The following DGUOK variants were observed in gnomAD, a reference collection of about 807,000 sequenced individuals.
DGUOK encodes deoxyguanosine kinase.
Under a neutral mutation model 36.6 loss-of-function variants are expected in DGUOK, and 30 were observed. The observed-to-expected ratio is 0.82, with a 90% CI of 0.61 to 1.11. The LOEUF is 1.11. DGUOK is among the 50% of genes most tolerant of loss of function. The pLI is 0.00. For synonymous variants in DGUOK, 145 were observed against 126.3 expected, an observed-to-expected ratio of 1.15 and a Z score of -0.99; for missense variants, 361 against 336.4, an observed-to-expected ratio of 1.07 and a Z score of -0.57.
At chr2:73,947,730 A>C (rs1299063074) in intron 3 of DGUOK, 1 of 152,364 alleles carries the variant, frequency 6.6e-6, no homozygotes, top group Non-Finnish European at 1.5e-5. Flanking sequence ...ACACTGCTGG[A>C]GTTTTTCTTA....
At chr2:73,934,045 G>A (rs932650661) in intron 1 of DGUOK, among the ~76,000 whole-genome samples, 29 of 152,266 alleles carry the variant, frequency 1.9e-4, no homozygotes, top group African/African-American at 6.7e-4. Flanking sequence ...AGATGAAAAT[G>A]CCTAGAGGTG....
intron 1 of DGUOK, among the ~76,000 whole-genome samples, chr2:73,934,210 A>G (rs1252709752): frequency 2.6e-5 from 4 of 152,162 alleles, no homozygotes; most frequent in Admixed American, 1.3e-4. Context: ...TTGTGGGGAG[A>G]AAAAAACATG....
chr2:73,955,624 C>T (rs1018685598), intron 4 of DGUOK, among the ~76,000 whole-genome samples: 1 of 152,138 alleles, frequency 6.6e-6, no homozygotes, highest in African/African-American at 2.4e-5. Flanking sequence ...CCTGTAATCC[C>T]AGCATTTTGA....
chr2:73,928,310 T>C (rs1426375329), intron 1 of DGUOK, among the ~76,000 whole-genome samples: 1 of 152,152 alleles, frequency 6.6e-6, no homozygotes, highest in African/African-American at 2.4e-5. Flanking sequence ...GTTTTGTTAG[T>C]AGAGACAGGG....
chr2:73,927,921 T>A (rs1218800783), intron 1 of DGUOK, among the ~76,000 whole-genome samples: 1 of 152,186 alleles, frequency 6.6e-6, no homozygotes, highest in Admixed American at 6.5e-5. Flanking sequence ...ATTCAACAAA[T>A]CACCTTTTGA....
chr2:73,955,487 A>G (rs1033801179), intron 4 of DGUOK, among the ~76,000 whole-genome samples: 2 of 152,190 alleles, frequency 1.3e-5, no homozygotes, highest in African/African-American at 4.8e-5. Flanking sequence ...AAAAGGTAAG[A>G]TAAGAGGGAA....
intron 4 of DGUOK, among the ~76,000 whole-genome samples, chr2:73,956,657 T>G (rs1207410534): frequency 6.6e-6 from 1 of 152,162 alleles, no homozygotes; most frequent in Non-Finnish European, 1.5e-5. Flanking sequence ...TTTCTGACCT[T>G]AAGGCCTGTA....
intron 1 of DGUOK, 92 bp from the exon 2 acceptor site, chr2:73,938,818 T>G: frequency 5.3e-5 from 45 of 847,652 alleles, no homozygotes; most frequent in Non-Finnish European, 8.5e-5. Context: ...CTTGTTCCCT[T>G]GAGTTTGGGC....
chr2:73,957,710 G>A (rs1683226709), intron 5 of DGUOK, among the ~76,000 whole-genome samples: 1 of 152,124 alleles, frequency 6.6e-6, no homozygotes, highest in Non-Finnish European at 1.5e-5. Flanking sequence ...ACATTCCAAG[G>A]GCCTTTTTAT....
In DGUOK at chr2:73,946,820, G is replaced by A. The variant is rs1341055252; in HGVS notation, c.357G>A (p.Leu119=). 1.9e-6 allele frequency: 3 copies of A among 1,614,026 alleles called. No homozygotes were observed. The highest frequency in any genetic ancestry group is 2.5e-6 in the Non-Finnish European group (3 of 1,180,036). ...AGACATTTTCCTTTTTGAGCCGCCT[G>A]AAAGTACAGCTGGAGCCCTTCCCTG... ...TFQTFSFLSR[L]KVQLEPFPEK... The change falls in exon 3 of 7, where the codon CTG becomes CTA. Residue 119 remains leucine (L), a synonymous_variant. Coordinates refer to ENST00000264093, the MANE Select transcript of DGUOK (RefSeq NM_080916.3).
At chr2:73,943,250 A>G (rs1209573865) in intron 2 of DGUOK, among the ~76,000 whole-genome samples, 1 of 151,984 alleles carries the variant, frequency 6.6e-6, no homozygotes, top group Non-Finnish European at 1.5e-5. Context: ...TCCTGGACTC[A>G]GGTATCTTCC....
intron 1 of DGUOK, among the ~76,000 whole-genome samples, chr2:73,929,868 A>G (rs1039950461): frequency 6.6e-6 from 1 of 152,114 alleles, no homozygotes; most frequent in African/African-American, 2.4e-5. Flanking sequence ...TAGAAAGGGA[A>G]GTCATGGGGT....
At chr2:73,946,967 T>C in intron 3 of DGUOK, 61 bp downstream of exon 3, 1 of 1,443,968 alleles carries the variant, frequency 6.9e-7, no homozygotes, top group Non-Finnish European at 9.6e-7. Flanking sequence ...TGTTTGATCT[T>C]GCACAGATCC....
At chr2:73,957,338 T>G (rs1316587886) in intron 5 of DGUOK, 98 bp downstream of exon 5, 6 of 873,012 alleles carry the variant, frequency 6.9e-6, no homozygotes, top group Non-Finnish European at 9.4e-6. Context: ...GTAGGAAGGT[T>G]CAGAATATAC....
chr2:73,955,255 C>T (rs1683001334), intron 4 of DGUOK, among the ~76,000 whole-genome samples: 1 of 152,138 alleles, frequency 6.6e-6, no homozygotes. Context: ...CATAAAGTCA[C>T]ATTTTAAAAA....
chr2:73,954,900 G>T (rs1682974679), intron 4 of DGUOK, among the ~76,000 whole-genome samples: 1 of 152,168 alleles, frequency 6.6e-6, no homozygotes, highest in African/African-American at 2.4e-5. Flanking sequence ...TCCTCATGAG[G>T]ACTGAGATGA....
At chr2:73,933,579 TC>T (rs1681222383) in intron 1 of DGUOK, among the ~76,000 whole-genome samples, 4 of 151,524 alleles carry the variant, frequency 2.6e-5, no homozygotes, top group Admixed American at 2.0e-4. Flanking sequence ...TGAGTTTGGA[TC>T]ATAGGAAGGT....
rs535192138 is a variant in DGUOK at position 73,945,410 on chromosome 2, A to T, written c.256-1309A>T. Among the ~76,000 whole-genome samples, 14 of 152,276 alleles carry T rather than the reference A, an allele frequency of 9.2e-5. No homozygotes were observed. The South Asian group carries it at 2.7e-3, about 29-fold the overall frequency. On this transcript the variant is annotated intron_variant, in intron 2 of 6. Transcript: ENST00000264093. ...CCTTTAGATGGAGGGTGTTGGAATGATGAGGTTAGAGGAAGCCAGGTTTGA... is the reference window on the plus strand; with the variant it reads ...CCTTTAGATGGAGGGTGTTGGAATGTTGAGGTTAGAGGAAGCCAGGTTTGA...
intron 4 of DGUOK, among the ~76,000 whole-genome samples, chr2:73,951,430 TG>T (rs764387172): frequency 2.0e-5 from 3 of 151,762 alleles, no homozygotes; most frequent in African/African-American, 4.9e-5. Flanking sequence ...AGGGCTCTTC[TG>T]GAGTGGGATT....
Sources: gnomAD v4.1 joint callset for allele counts (sites outside exome capture counted in the v4.1 genomes callset) on GRCh38, gnomAD v4.1.1 for gene constraint, MANE v1.5 for transcripts, NCBI Gene and HGNC (gene_info 2026-07-23, HGNC 2026-07-21) for gene names.